OPCML: variants seen among roughly 807,000 people sequenced by gnomAD.
The protein encoded by OPCML is opioid binding protein/cell adhesion molecule like.
OPCML carries 13 observed loss-of-function variants against 37.8 expected under a neutral mutation model. The ratio of observed to expected loss-of-function variants is 0.34; its 90% CI spans 0.22 to 0.55. OPCML has a LOEUF of 0.55. Ranked by LOEUF, OPCML falls within the 20% of genes least tolerant of loss-of-function variation. OPCML has a pLI of 0.91. For synonymous variants in OPCML, 176 were observed against 168.8 expected (o/e 1.04, Z -0.33); for missense variants, 341 against 435.6 (o/e 0.78, Z 1.93).
In OPCML at chr11:133,167,456, T is replaced by C. The variant is rs141478368; in HGVS notation, c.62-224446A>G. On this transcript the variant is annotated intron_variant, in intron 1 of 7. Transcript: ENST00000524381. ...GGTTGCCTTCTAATTTGGGCCAAAA[T>C]CTCTGACCACTATGGACCCTGTCAA... Among the ~76,000 whole-genome samples, 275 of 152,108 alleles carry C rather than the reference T, an allele frequency of 1.8e-3. 2 individuals carry two copies. The highest frequency in any genetic ancestry group is 6.4e-3 in the African/African-American group (267 of 41,508).
chr11:132,716,202 C>G (rs934165695), intron 2 of OPCML, among the ~76,000 whole-genome samples: 5 of 152,086 alleles, frequency 3.3e-5, no homozygotes, highest in African/African-American at 1.2e-4. Context: ...AGAGCAGACT[C>G]CCAAACTCAC....
intron 1 of OPCML, among the ~76,000 whole-genome samples, chr11:133,220,334 G>A (rs923995299): frequency 2.6e-5 from 4 of 152,152 alleles, no homozygotes; most frequent in Non-Finnish European, 5.9e-5. Context: ...TGTGCTGCAG[G>A]CATTAACCCA....
At chr11:133,146,348 CTT>C (rs1387576428) in intron 1 of OPCML, among the ~76,000 whole-genome samples, 2 of 139,772 alleles carry the variant, frequency 1.4e-5, no homozygotes, top group African/African-American at 5.3e-5. Flanking sequence ...GAGTTTCTCT[CTT>C]GTCGCCCAGG....
At position 132,916,512 on chromosome 11, in the gene OPCML, T is replaced by C. The variant is rs372744513; in HGVS notation, c.146+26414A>G. ...AAGTAAAATTCACAGTTCCTAAGCT[T>C]GAACACACAATCTGAATATCCCAGA... On this transcript the variant is annotated intron_variant, in intron 2 of 7. Transcript: ENST00000524381. Among the ~76,000 whole-genome samples the C allele has an allele frequency of 4.3e-4, 66 of 152,234 alleles. No individual in the cohort carries two copies. The South Asian group carries it at 0.013, about 30-fold the overall frequency.
intron 1 of OPCML, among the ~76,000 whole-genome samples, chr11:133,296,923 T>C (rs1363423657): frequency 6.6e-6 from 1 of 152,202 alleles, no homozygotes; most frequent in Non-Finnish European, 1.5e-5. Flanking sequence ...TGGCCTTCAG[T>C]TCCCAGGAAT....
At chr11:133,305,376 T>C (rs914644096) in intron 1 of OPCML, among the ~76,000 whole-genome samples, 2 of 152,152 alleles carry the variant, frequency 1.3e-5, no homozygotes, top group African/African-American at 4.8e-5. Flanking sequence ...CATGTGGAAA[T>C]AGACCAAGCC....
chr11:133,484,743 A>G (rs565783844), intron 1 of OPCML, among the ~76,000 whole-genome samples: 1 of 152,310 alleles, frequency 6.6e-6, no homozygotes, highest in African/African-American at 2.4e-5. Context: ...ATATCCAAGT[A>G]GAGTTCATGT....
At chr11:132,866,493 T>G (rs956531693) in intron 2 of OPCML, among the ~76,000 whole-genome samples, 1 of 152,230 alleles carries the variant, frequency 6.6e-6, no homozygotes, top group African/African-American at 2.4e-5. Context: ...TAGTTTTTTG[T>G]CGATTTTTGA....
chr11:132,843,913 T>C (rs1941406822), intron 2 of OPCML, among the ~76,000 whole-genome samples: 1 of 152,208 alleles, frequency 6.6e-6, no homozygotes, highest in Admixed American at 6.5e-5. Flanking sequence ...GTTGATATGG[T>C]TTGGCTGTGT....
At chr11:133,014,607 C>G (rs566993268) in intron 1 of OPCML, among the ~76,000 whole-genome samples, 2 of 152,174 alleles carry the variant, frequency 1.3e-5, no homozygotes, top group South Asian at 4.1e-4. Flanking sequence ...AGTCCTTTGC[C>G]TTCATTCGGT....
At chr11:132,855,452 C>T (rs1942017713) in intron 2 of OPCML, among the ~76,000 whole-genome samples, 1 of 152,226 alleles carries the variant, frequency 6.6e-6, no homozygotes, top group South Asian at 2.1e-4. Context: ...TTAAACTCTT[C>T]ATTTACTGCA....
chr11:132,528,752 C>G (rs1161095361), intron 4 of OPCML, among the ~76,000 whole-genome samples: 1 of 152,200 alleles, frequency 6.6e-6, no homozygotes, highest in East Asian at 1.9e-4. Context: ...GAACAAACCA[C>G]CAACTGACCC....
chr11:132,764,098 T>C (rs546171020), intron 2 of OPCML, among the ~76,000 whole-genome samples: 123 of 152,322 alleles, frequency 8.1e-4, no homozygotes, highest in Middle Eastern at 3.4e-3. Context: ...GCAGGAGGCA[T>C]TGATCTCCCA....
intron 3 of OPCML, among the ~76,000 whole-genome samples, chr11:132,628,424 T>C (rs1018962291): frequency 2.0e-5 from 3 of 152,232 alleles, no homozygotes; most frequent in Non-Finnish European, 4.4e-5. Context: ...TTTATTTTCT[T>C]TATTCTGATG....
intron 1 of OPCML, among the ~76,000 whole-genome samples, chr11:133,415,331 A>G (rs1454279265): frequency 1.3e-5 from 2 of 151,822 alleles, no homozygotes; most frequent in African/African-American, 2.4e-5. Context: ...AATGGCATGA[A>G]CCCAGGAGGC....
chr11:132,767,878 CAT>C (rs1946507019), intron 2 of OPCML, among the ~76,000 whole-genome samples: 1 of 151,844 alleles, frequency 6.6e-6, no homozygotes, highest in Non-Finnish European at 1.5e-5. Flanking sequence ...GGGGAGAAAT[CAT>C]AGAGTCTAGA....
intron 1 of OPCML, among the ~76,000 whole-genome samples, chr11:133,413,152 C>G (rs1945685216): frequency 6.6e-6 from 1 of 152,094 alleles, no homozygotes; most frequent in Non-Finnish European, 1.5e-5. Flanking sequence ...AATGAGAGAG[C>G]ATGGAGCATT....
intron 1 of OPCML, among the ~76,000 whole-genome samples, chr11:132,945,588 C>A (rs1468437287): frequency 6.6e-6 from 1 of 152,154 alleles, no homozygotes; most frequent in East Asian, 1.9e-4. Context: ...AATTAGGCTA[C>A]CCTAAATTTA....
chr11:133,221,655 G>A (rs907249720), intron 1 of OPCML, among the ~76,000 whole-genome samples: 1 of 152,180 alleles, frequency 6.6e-6, no homozygotes, highest in Non-Finnish European at 1.5e-5. Context: ...ACGGGGAGGA[G>A]GTTGCTGCAT....
Sources: allele counts gnomAD v4.1 joint callset (sites outside exome capture counted in the v4.1 genomes callset), GRCh38; gene constraint gnomAD v4.1.1; transcripts MANE v1.5; gene names NCBI Gene and HGNC (gene_info 2026-07-23, HGNC 2026-07-21).